The following C9orf153 variants were observed in gnomAD, a reference collection of about 807,000 sequenced individuals.
C9orf153 encodes chromosome 9 open reading frame 153.
Under a neutral mutation model 9.0 loss-of-function variants are expected in C9orf153, and 10 were observed. The ratio of observed to expected loss-of-function variants is 1.11; its 90% CI spans 0.69 to 1.89. C9orf153 has a LOEUF of 1.89. C9orf153 is among the 40% of genes most tolerant of loss of function. C9orf153 has a pLI of 0.00. For missense variants in C9orf153, 108 were observed against 111.0 expected, an observed-to-expected ratio of 0.97 and a Z score of 0.12; for synonymous variants, 35 against 37.3, an observed-to-expected ratio of 0.94 and a Z score of 0.23.
intron 1 of C9orf153, among the ~76,000 whole-genome samples, chr9:86,246,902 T>C (rs993645515): frequency 6.6e-6 from 1 of 152,108 alleles, no homozygotes; most frequent in Non-Finnish European, 1.5e-5. Context: ...GAAAACGGAG[T>C]AGCAAGCCAT....
At chr9:86,238,529 T>C (rs1411381867) in intron 1 of C9orf153, among the ~76,000 whole-genome samples, 2 of 152,234 alleles carry the variant, frequency 1.3e-5, no homozygotes, top group Non-Finnish European at 2.9e-5. Context: ...TTGTTTAAAA[T>C]ACATCTATAG....
chr9:86,238,059 T>C (rs1362724984), intron 1 of C9orf153, among the ~76,000 whole-genome samples: 1 of 152,092 alleles, frequency 6.6e-6, no homozygotes, highest in African/African-American at 2.4e-5. Flanking sequence ...CACTCCAACC[T>C]GGGTGACAGA....
Position 86,229,990 on chromosome 9 carries a change from C to T in C9orf153, c.-26-361G>A, listed in dbSNP as rs140400254. 6.3e-3 allele frequency among the ~76,000 whole-genome samples: 955 copies of T among 152,104 alleles called. 9 individuals are homozygous for T. Among genetic ancestry groups the T allele is most frequent in the African/African-American group, 0.021 (866 of 41,474 alleles). On this transcript the variant is annotated intron_variant, in intron 1 of 3. Coordinates refer to ENST00000339137, the MANE Select transcript of C9orf153 (RefSeq NM_001276366.4). ...GAAGTGCTATACACTTTTAAACAAC[C>T]GGGTCTCATGAGAACTCACAATCAT...
At chr9:86,223,312 C>T (rs1824246549) in intron 3 of C9orf153, among the ~76,000 whole-genome samples, 1 of 151,994 alleles carries the variant, frequency 6.6e-6, no homozygotes, top group South Asian at 2.1e-4. Flanking sequence ...ACCAAAAATA[C>T]AAAAAATTAG....
intron 1 of C9orf153, among the ~76,000 whole-genome samples, chr9:86,251,906 A>G (rs1721667036): frequency 2.0e-5 from 1 of 50,076 alleles, no homozygotes; most frequent in Admixed American, 1.8e-4. Context: ...CTTTAGCTTT[A>G]GGTAAACTAC....
At chr9:86,252,511 C>T (rs995182822) in intron 1 of C9orf153, among the ~76,000 whole-genome samples, 1 of 152,144 alleles carries the variant, frequency 6.6e-6, no homozygotes, top group African/African-American at 2.4e-5. Context: ...ATAAACTTCC[C>T]TAAAACAAAT....
At chr9:86,221,821 T>C in intron 3 of C9orf153, 88 bp from the exon 4 acceptor site, 1 of 780,402 alleles carries the variant, frequency 1.3e-6, no homozygotes. Flanking sequence ...AGGGTAAACC[T>C]TTGATGAACT....
chr9:86,227,625 A>G (rs1824365766), intron 3 of C9orf153: 7 of 985,288 alleles, frequency 7.1e-6, no homozygotes, highest in African/African-American at 3.5e-5. Context: ...CCTAAGCTGC[A>G]TAAGATTTTG....
At chr9:86,227,745 T>A in intron 3 of C9orf153, 110 bp downstream of exon 3, 1 of 1,454,764 alleles carries the variant, frequency 6.9e-7, no homozygotes, top group Non-Finnish European at 9.0e-7. Context: ...TGTGACAGCC[T>A]CTGCTGGGAC....
chr9:86,233,317 G>A (rs1487311679), intron 1 of C9orf153, among the ~76,000 whole-genome samples: 1 of 152,092 alleles, frequency 6.6e-6, no homozygotes, highest in African/African-American at 2.4e-5. Flanking sequence ...TCAGTATAAT[G>A]ACATTTAGCT....
chr9:86,248,078 T>C (rs1054751378), intron 1 of C9orf153, among the ~76,000 whole-genome samples: 3 of 152,192 alleles, frequency 2.0e-5, no homozygotes, highest in African/African-American at 7.2e-5. Flanking sequence ...AGATTTCCAT[T>C]TGTCTGCACT....
chr9:86,225,697 C>T (rs1038226937), intron 3 of C9orf153, among the ~76,000 whole-genome samples: 1 of 152,144 alleles, frequency 6.6e-6, no homozygotes, highest in African/African-American at 2.4e-5. Context: ...GTTGTCCAGG[C>T]TGGTCTTGAA....
intron 1 of C9orf153, among the ~76,000 whole-genome samples, chr9:86,256,766 T>C (rs535107994): frequency 6.6e-6 from 1 of 152,310 alleles, no homozygotes; most frequent in East Asian, 1.9e-4. Flanking sequence ...AGCTGATAAA[T>C]TACCTAAAAT....
intron 2 of C9orf153, among the ~76,000 whole-genome samples, chr9:86,229,261 A>AG (rs1824408889): frequency 8.3e-5 from 1 of 12,048 alleles, no homozygotes; most frequent in African/African-American, 2.4e-3. Context: ...TTTCCTAAAG[A>AG]AAAAAAAAAA....
In C9orf153 at chr9:86,225,481, C is replaced by T. The variant is rs1439196353; in HGVS notation, c.242+2374G>A. Among the ~76,000 whole-genome samples, 11 of 150,176 alleles carry T rather than the reference C, an allele frequency of 7.3e-5. 1 individual carries two copies. Among genetic ancestry groups the T allele is most frequent in the East Asian group, 5.9e-4 (3 of 5,100 alleles). ...CTCTTTCTTTCTTTCTTTTTTGAGA[C>T]GGAGTCTCACTCTGTTGCCCAGGCT... On this transcript the variant is annotated intron_variant, in intron 3 of 3. Coordinates refer to ENST00000339137, the MANE Select transcript of C9orf153 (RefSeq NM_001276366.4).
At chr9:86,223,821 CTA>C (rs1193157740) in intron 3 of C9orf153, among the ~76,000 whole-genome samples, 1 of 152,142 alleles carries the variant, frequency 6.6e-6, no homozygotes, top group Non-Finnish European at 1.5e-5. Context: ...AAAACAAAAG[CTA>C]CACACAAAAA....
chr9:86,249,482 TA>T (rs1263381573), intron 1 of C9orf153, among the ~76,000 whole-genome samples: 1 of 152,186 alleles, frequency 6.6e-6, no homozygotes, highest in Non-Finnish European at 1.5e-5. Context: ...TCACATTTGC[TA>T]TTGTAAATGC....
chr9:86,240,101 T>C (rs1824697728), intron 1 of C9orf153, among the ~76,000 whole-genome samples: 1 of 152,252 alleles, frequency 6.6e-6, no homozygotes, highest in Non-Finnish European at 1.5e-5. Flanking sequence ...TATAATCATA[T>C]GGTTCTAAGA....
At chr9:86,239,702 T>C (rs1259961232) in intron 1 of C9orf153, among the ~76,000 whole-genome samples, 1 of 152,212 alleles carries the variant, frequency 6.6e-6, no homozygotes, top group African/African-American at 2.4e-5. Flanking sequence ...ATATTGTTGG[T>C]TGAACAACTC....
Sources: allele counts gnomAD v4.1 joint callset (sites outside exome capture counted in the v4.1 genomes callset), GRCh38; gene constraint gnomAD v4.1.1; transcripts MANE v1.5; gene names NCBI Gene and HGNC (gene_info 2026-07-23, HGNC 2026-07-21).